HECW1: variants seen among roughly 807,000 people sequenced by gnomAD.
HECW1 encodes HECT, C2 and WW domain containing E3 ubiquitin protein ligase 1, also known as E3 ubiquitin-protein ligase HECW1.
Under a neutral mutation model 182.3 loss-of-function variants are expected in HECW1, and 61 were observed. The ratio of observed to expected loss-of-function variants is 0.33; its 90% CI spans 0.27 to 0.41. HECW1 has a LOEUF of 0.41. Ranked by LOEUF, HECW1 falls within the 10% of genes least tolerant of loss-of-function variation. The pLI, the probability that HECW1 is intolerant of heterozygous loss-of-function variation, is 1.00. For synonymous variants in HECW1, 859 were observed against 832.6 expected (o/e 1.03, Z -0.55); for missense variants, 1,739 against 2,108.9 (o/e 0.82, Z 3.44).
intron 24 of HECW1, among the ~76,000 whole-genome samples, chr7:43,512,440 C>T (rs2079922453): frequency 6.6e-6 from 1 of 152,130 alleles, no homozygotes; most frequent in African/African-American, 2.4e-5. Context: ...ATTTTATTCT[C>T]TAGTGAGGCA....
chr7:43,158,388 A>G (rs756390199), intron 2 of HECW1, among the ~76,000 whole-genome samples: 1 of 151,844 alleles, frequency 6.6e-6, no homozygotes, highest in Non-Finnish European at 1.5e-5. Context: ...TAGAAAACAT[A>G]GATAAGCAAA....
intron 9 of HECW1, among the ~76,000 whole-genome samples, chr7:43,442,002 T>C (rs1247129296): frequency 6.6e-6 from 1 of 152,226 alleles, no homozygotes; most frequent in Non-Finnish European, 1.5e-5. Flanking sequence ...ATTTTGAATT[T>C]TGATCTTTTC....
At chr7:43,495,410 A>C (rs1040121596) in intron 19 of HECW1, among the ~76,000 whole-genome samples, 2 of 152,018 alleles carry the variant, frequency 1.3e-5, no homozygotes, top group Non-Finnish European at 2.9e-5. Context: ...ATGGTTTCCT[A>C]GTATTTCTTT....
At chr7:43,303,959 C>CA (rs1807196800) in intron 3 of HECW1, among the ~76,000 whole-genome samples, 1 of 152,192 alleles carries the variant, frequency 6.6e-6, no homozygotes, top group Non-Finnish European at 1.5e-5. Context: ...TATTTAATCT[C>CA]ATCCCAACAC....
At chr7:43,542,763 G>T (rs893547957) in intron 26 of HECW1, among the ~76,000 whole-genome samples, 2 of 152,126 alleles carry the variant, frequency 1.3e-5, no homozygotes, top group Admixed American at 6.5e-5. Flanking sequence ...TTAAATTAGC[G>T]AATAAGGGAT....
chr7:43,329,189 G>A (rs1811158731), intron 5 of HECW1, among the ~76,000 whole-genome samples: 1 of 152,184 alleles, frequency 6.6e-6, no homozygotes, highest in Non-Finnish European at 1.5e-5. Flanking sequence ...GGCATACAGG[G>A]GTGGGAAGGG....
chr7:43,326,684 G>A (rs902725218), intron 5 of HECW1, among the ~76,000 whole-genome samples: 18 of 152,220 alleles, frequency 1.2e-4, no homozygotes, highest in African/African-American at 4.3e-4. Flanking sequence ...TTCTGCTCTG[G>A]AAATGAACAT....
chr7:43,530,961 G>A (rs181988804), intron 24 of HECW1, among the ~76,000 whole-genome samples: 11 of 152,214 alleles, frequency 7.2e-5, no homozygotes, highest in East Asian at 5.8e-4. Flanking sequence ...GGTTCTCATC[G>A]TCTACAGTTT....
intron 19 of HECW1, among the ~76,000 whole-genome samples, chr7:43,497,170 G>A (rs541599676): frequency 6.6e-6 from 1 of 152,294 alleles, no homozygotes; most frequent in East Asian, 1.9e-4. Flanking sequence ...TGATGCTTAA[G>A]CTGAAACCTG....
rs534778189 is a variant in HECW1, at chr7:43,534,664, G to A, written c.4020-6499G>A. On this transcript the variant is annotated intron_variant, in intron 24 of 29. Transcript: ENST00000395891. ...ACATTTTCTGTGGGTTTGTATAGTTGCGCTCCACTGGGATAAAACCAGATG... is the reference window on the plus strand; with the variant it reads ...ACATTTTCTGTGGGTTTGTATAGTTACGCTCCACTGGGATAAAACCAGATG... Among the ~76,000 whole-genome samples the A allele has an allele frequency of 5.9e-5, 9 of 152,320 alleles. No homozygotes were observed. In the South Asian group the frequency reaches 1.9e-3, roughly 32 times the overall value.
At chr7:43,308,245 T>TG (rs1233358288) in intron 3 of HECW1, among the ~76,000 whole-genome samples, 19 of 83,672 alleles carry the variant, frequency 2.3e-4, no homozygotes, top group African/African-American at 1.5e-3. Flanking sequence ...TAATATATAA[T>TG]ATATATATAT....
chr7:43,381,581 C>T (rs1232396303), intron 6 of HECW1, among the ~76,000 whole-genome samples: 2 of 151,822 alleles, frequency 1.3e-5, no homozygotes, highest in African/African-American at 2.4e-5. Context: ...CTCCACCTCC[C>T]GGGTGATTCT....
chr7:43,520,062 G>T (rs994897414), intron 24 of HECW1, among the ~76,000 whole-genome samples: 3 of 152,120 alleles, frequency 2.0e-5, no homozygotes, highest in African/African-American at 7.2e-5. Context: ...ATGCCATTTG[G>T]TAAAAATGTC....
intron 2 of HECW1, among the ~76,000 whole-genome samples, chr7:43,240,535 A>G (rs17172176): frequency 0.079 from 12,036 of 152,270 alleles, 697 homozygotes; most frequent in African/African-American, 0.15. Flanking sequence ...TCTGAAGGGT[A>G]ACGTGCTTTC....
chr7:43,323,679 G>T (rs1810417075), intron 5 of HECW1, among the ~76,000 whole-genome samples: 1 of 152,034 alleles, frequency 6.6e-6, no homozygotes, highest in South Asian at 2.1e-4. Flanking sequence ...ATAAACATTG[G>T]CATAATGGAA....
At position 43,554,021 on chromosome 7, in the gene HECW1, C is replaced by A. The variant is rs540167284; in HGVS notation, c.4511-571C>A. On this transcript the variant is annotated intron_variant, in intron 28 of 29. Transcript: ENST00000395891. ...ATCCAAGCATGGTCTCCCCAGCTTACTGTGAGAGGGACCCAGTACTTAATC... is the reference window on the plus strand; with the variant it reads ...ATCCAAGCATGGTCTCCCCAGCTTAATGTGAGAGGGACCCAGTACTTAATC... Among the ~76,000 whole-genome samples, 113 of 152,364 alleles carry A rather than the reference C, an allele frequency of 7.4e-4. 1 individual carries two copies. The highest frequency in any genetic ancestry group is 3.9e-3 in the Admixed American group (60 of 15,308).
At chr7:43,467,954 C>T (rs1021215982) in intron 15 of HECW1, among the ~76,000 whole-genome samples, 6 of 152,004 alleles carry the variant, frequency 3.9e-5, no homozygotes, top group African/African-American at 1.4e-4. Context: ...AGCAGCTCCC[C>T]AGAGGTGTTG....
intron 8 of HECW1, among the ~76,000 whole-genome samples, chr7:43,421,153 G>A (rs1000645443): frequency 8.5e-5 from 13 of 152,286 alleles, no homozygotes; most frequent in African/African-American, 2.9e-4. Context: ...TAGCATCATC[G>A]TTTTACGACA....
chr7:43,219,048 G>C (rs1239806806), intron 2 of HECW1, among the ~76,000 whole-genome samples: 2 of 152,054 alleles, frequency 1.3e-5, no homozygotes, highest in African/African-American at 2.4e-5. Flanking sequence ...GGATTGGTTT[G>C]ACCAGCCATG....
Sources: allele counts gnomAD v4.1 joint callset (sites outside exome capture counted in the v4.1 genomes callset), GRCh38; gene constraint gnomAD v4.1.1; transcripts MANE v1.5; gene names NCBI Gene and HGNC (gene_info 2026-07-23, HGNC 2026-07-21).